OR56A3: variants seen among roughly 807,000 people sequenced by gnomAD.
OR56A3 encodes the protein olfactory receptor 56A3.
Under a neutral mutation model 17.5 loss-of-function variants are expected in OR56A3, and 23 were observed. That is an observed-to-expected ratio of 1.32 (90% CI 0.95 to 1.87). The LOEUF (loss-of-function observed/expected upper bound fraction) is 1.87. Ranked by LOEUF, OR56A3 falls within the 40% of genes most tolerant of loss-of-function variation. The pLI, the probability that OR56A3 is intolerant of heterozygous loss-of-function variation, is 0.00. For synonymous variants in OR56A3, 175 were observed against 150.6 expected (o/e 1.16, Z -1.19); for missense variants, 366 against 380.1 (o/e 0.96, Z 0.31).
chr11:6,002,694 C>A, the OR56A3 span: 19 of 1,614,212 alleles, frequency 1.2e-5, no homozygotes, highest in Non-Finnish European at 1.6e-5. Flanking sequence ...CTGGAGGAAG[C>A]AGGCTGGGAA....
At chr11:6,014,211 G>GA in the OR56A3 span, among the ~76,000 whole-genome samples, 2 of 152,220 alleles carry the variant, frequency 1.3e-5, no homozygotes, top group South Asian at 2.1e-4. Flanking sequence ...AAGCCACTGA[G>GA]AAAAAAACAC....
chr11:5,968,956 A>G, the OR56A3 span, among the ~76,000 whole-genome samples: 12 of 152,332 alleles, frequency 7.9e-5, no homozygotes, highest in Admixed American at 7.8e-4. Context: ...GATGGGGGAA[A>G]ATAATTATTC....
At chr11:6,014,246 G>A in the OR56A3 span, among the ~76,000 whole-genome samples, 2 of 152,156 alleles carry the variant, frequency 1.3e-5, no homozygotes, top group South Asian at 2.1e-4. Context: ...CTATGATATA[G>A]TTTGGATCTG....
the OR56A3 span, among the ~76,000 whole-genome samples, chr11:6,004,354 G>GA: frequency 1.3e-5 from 2 of 150,970 alleles, no homozygotes; most frequent in East Asian, 1.9e-4. Flanking sequence ...CTCCATCTCA[G>GA]AAAAAAAAGA....
the OR56A3 span, among the ~76,000 whole-genome samples, chr11:5,974,562 G>A: frequency 0.25 from 38,081 of 152,112 alleles, 4,798 homozygotes; most frequent in Non-Finnish European, 0.27. Flanking sequence ...ATGAGAATGT[G>A]GATAACTAAC....
chr11:5,946,689 G>C (rs1176766665), intron 2 of OR56A3, among the ~76,000 whole-genome samples: 5 of 152,004 alleles, frequency 3.3e-5, no homozygotes. Context: ...AAAAAATAGA[G>C]AGATATTAAG....
At chr11:5,964,721 A>C in the OR56A3 span, among the ~76,000 whole-genome samples, 1 of 152,306 alleles carries the variant, frequency 6.6e-6, no homozygotes, top group Non-Finnish European at 1.5e-5. Flanking sequence ...ACGGGTTTCT[A>C]TCTGGCACTG....
the OR56A3 span, among the ~76,000 whole-genome samples, chr11:5,962,410 A>G: frequency 3.3e-5 from 5 of 152,126 alleles, no homozygotes; most frequent in Admixed American, 1.3e-4. Flanking sequence ...ACCTCTTACA[A>G]TGAATTTTGG....
chr11:6,003,146 C>A, the OR56A3 span: 1 of 1,556,296 alleles, frequency 6.4e-7, no homozygotes, highest in Non-Finnish European at 8.7e-7. Flanking sequence ...TCACTGTCAT[C>A]ATCCTCCCTT....
At chr11:6,005,805 A>G in the OR56A3 span, among the ~76,000 whole-genome samples, 2 of 152,302 alleles carry the variant, frequency 1.3e-5, no homozygotes, top group South Asian at 4.1e-4. Flanking sequence ...ATCAGTCTCA[A>G]CCATAAGCCC....
In OR56A3 at chr11:5,947,502, C is replaced by T; in HGVS notation, c.156C>T (p.Thr52=). 1 of 1,614,012 alleles carries T rather than the reference C, an allele frequency of 6.2e-7. No individual in the cohort carries two copies. The highest frequency in any genetic ancestry group is 2.2e-5 in the East Asian group (1 of 44,852). The part of the protein sequence containing the change: ...AVGANTTLLM[T]IWLEASLHQP... ...GGGCCAACACCACCCTCCTGATGAC[C>T]ATCTGGCTGGAGGCCTCTCTGCACC... Residue 52 remains threonine, a synonymous_variant, in exon 3 of 3, where the codon ACC becomes ACT. Coordinates refer to ENST00000641160, the MANE Select transcript of OR56A3 (RefSeq NM_001003443.3).
the OR56A3 span, chr11:6,000,563 T>G: frequency 1.3e-5 from 2 of 152,092 alleles, no homozygotes; most frequent in Non-Finnish European, 2.9e-5. Context: ...TGTATACATA[T>G]GTAACAAACC....
the OR56A3 span, among the ~76,000 whole-genome samples, chr11:5,997,540 T>C: frequency 6.6e-6 from 1 of 152,174 alleles, no homozygotes; most frequent in Non-Finnish European, 1.5e-5. Context: ...ACCTAGAGCA[T>C]AGGCCTATTC....
the OR56A3 span, among the ~76,000 whole-genome samples, chr11:5,977,724 C>T: frequency 1.3e-4 from 20 of 152,108 alleles, no homozygotes; most frequent in Non-Finnish European, 2.4e-4. Context: ...TAACAAAGTC[C>T]CACCTGTCTA....
At chr11:6,015,378 A>G in the OR56A3 span, among the ~76,000 whole-genome samples, 7 of 151,938 alleles carry the variant, frequency 4.6e-5, no homozygotes, top group Non-Finnish European at 1.0e-4. Flanking sequence ...TGGCTCAGGT[A>G]TACCTCAGGC....
the OR56A3 span, among the ~76,000 whole-genome samples, chr11:6,007,456 C>A: frequency 8.5e-5 from 13 of 152,164 alleles, no homozygotes; most frequent in African/African-American, 2.9e-4. Context: ...TTAAGACTTG[C>A]CACCACAAGA....
chr11:5,942,683 G>A (rs943876064), intron 1 of OR56A3, among the ~76,000 whole-genome samples: 2 of 152,236 alleles, frequency 1.3e-5, no homozygotes, highest in Non-Finnish European at 2.9e-5. Context: ...GTGGAAGTCA[G>A]GAAGTAGTTC....
At chr11:5,962,501 A>G in the OR56A3 span, among the ~76,000 whole-genome samples, 10 of 136,488 alleles carry the variant, frequency 7.3e-5, no homozygotes, top group African/African-American at 2.6e-4. Context: ...GGTATAATTC[A>G]TCAGTGAAGC....
the OR56A3 span, among the ~76,000 whole-genome samples, chr11:6,011,362 A>C: frequency 6.6e-6 from 1 of 152,070 alleles, no homozygotes; most frequent in African/African-American, 2.4e-5. Flanking sequence ...TCAGTGTGAG[A>C]CATTGGAAAA....
Sources: allele counts gnomAD v4.1 joint callset (sites outside exome capture counted in the v4.1 genomes callset), GRCh38; gene constraint gnomAD v4.1.1; transcripts MANE v1.5; gene names NCBI Gene and HGNC (gene_info 2026-07-23, HGNC 2026-07-21).